Variants in SORCS3 observed in about 807,000 individuals in gnomAD.
SORCS3 encodes the protein sortilin related VPS10 domain containing receptor 3, also known as VPS10 domain-containing receptor SorCS3.
A neutral mutation model predicts 146.3 loss-of-function variants in SORCS3; 57 were observed. That is an observed-to-expected ratio of 0.39 (90% CI 0.31 to 0.49). The LOEUF (loss-of-function observed/expected upper bound fraction) is 0.49. Among genes scored for constraint, SORCS3 ranks in the 20% least tolerant of loss-of-function variants. The pLI, the probability that SORCS3 is intolerant of heterozygous loss-of-function variation, is 0.92. For synonymous variants in SORCS3, 653 were observed against 618.5 expected (o/e 1.06, Z -0.83); for missense variants, 1,341 against 1,575.5 (o/e 0.85, Z 2.52).
intron 8 of SORCS3, among the ~76,000 whole-genome samples, chr10:105,144,682 T>G (rs2056118396): frequency 6.6e-6 from 1 of 152,170 alleles, no homozygotes; most frequent in South Asian, 2.1e-4. Flanking sequence ...CTAAATTTAC[T>G]CTTATTGCAT....
intron 26 of SORCS3, among the ~76,000 whole-genome samples, 186 bp downstream of exon 26, chr10:105,262,677 A>G (rs1055355225): frequency 9.2e-5 from 14 of 152,320 alleles, no homozygotes; most frequent in Middle Eastern, 3.4e-3. Context: ...TTTTCCCCTT[A>G]GAAGTTAATC....
intron 9 of SORCS3, 135 bp from the exon 10 acceptor site, chr10:105,157,003 T>C (rs2119495413): frequency 1.0e-6 from 1 of 999,336 alleles, no homozygotes; most frequent in Non-Finnish European, 1.5e-6. Context: ...ATTCAACGTT[T>C]CCTATCATGT....
At chr10:104,930,012 TAAA>T (rs1401086929) in intron 3 of SORCS3, among the ~76,000 whole-genome samples, 2 of 151,898 alleles carry the variant, frequency 1.3e-5, no homozygotes, top group Admixed American at 6.6e-5. Context: ...GACAAAGAAT[TAAA>T]AATAGCTGCT....
intron 1 of SORCS3, among the ~76,000 whole-genome samples, chr10:104,650,424 A>T (rs573304072): frequency 3.3e-5 from 5 of 152,252 alleles, no homozygotes; most frequent in Non-Finnish European, 7.3e-5. Flanking sequence ...ATGAATAATC[A>T]TTTGGCAGCA....
At chr10:104,865,737 A>G (rs2018452379) in intron 2 of SORCS3, among the ~76,000 whole-genome samples, 1 of 152,244 alleles carries the variant, frequency 6.6e-6, no homozygotes, top group Non-Finnish European at 1.5e-5. Context: ...GGGACCTTAA[A>G]GAAACATGAA....
chr10:105,231,040 A>G (rs2056762721), intron 20 of SORCS3, among the ~76,000 whole-genome samples: 4 of 152,064 alleles, frequency 2.6e-5, no homozygotes, highest in South Asian at 4.1e-4. Flanking sequence ...CCCTTTTCTC[A>G]TATTGGGGAG....
intron 1 of SORCS3, among the ~76,000 whole-genome samples, chr10:104,693,283 G>A (rs1476188237): frequency 1.3e-5 from 2 of 152,130 alleles, no homozygotes; most frequent in South Asian, 2.1e-4. Context: ...ATGCCCTCAC[G>A]GATGTGTGAG....
At chr10:105,055,034 G>T (rs1475516561) in intron 5 of SORCS3, among the ~76,000 whole-genome samples, 4 of 152,034 alleles carry the variant, frequency 2.6e-5, no homozygotes, top group Admixed American at 2.6e-4. Context: ...GAAAATAATG[G>T]AATTTTTTTC....
At chr10:104,708,301 A>T (rs2016370961) in intron 1 of SORCS3, among the ~76,000 whole-genome samples, 1 of 152,192 alleles carries the variant, frequency 6.6e-6, no homozygotes, top group Non-Finnish European at 1.5e-5. Flanking sequence ...GTGAATGAAT[A>T]TGGGCTGCAT....
At chr10:104,785,687 A>G (rs2017426995) in intron 1 of SORCS3, among the ~76,000 whole-genome samples, 1 of 152,230 alleles carries the variant, frequency 6.6e-6, no homozygotes, top group Non-Finnish European at 1.5e-5. Context: ...AAAGCAGAGC[A>G]GTGGTGCTTG....
At chr10:104,975,780 T>C (rs1475342792) in intron 3 of SORCS3, among the ~76,000 whole-genome samples, 1 of 152,218 alleles carries the variant, frequency 6.6e-6, no homozygotes, top group Non-Finnish European at 1.5e-5. Flanking sequence ...ATCTGATTTT[T>C]GACAAACCTG....
At chr10:105,160,041 G>A (rs932938238) in intron 11 of SORCS3, among the ~76,000 whole-genome samples, 1 of 152,162 alleles carries the variant, frequency 6.6e-6, no homozygotes, top group African/African-American at 2.4e-5. Context: ...TGTTCCCCTA[G>A]CTGGAGAAGT....
chr10:104,684,746 A>G lies in SORCS3; in HGVS notation c.627+42792A>G, dbSNP rs555029157. Reference sequence around the variant, plus strand: ...AAATGAGCTACTAAATATAAAGAACATAATGTCAGGTATTGGTTGGAAAGT... The same window carrying G: ...AAATGAGCTACTAAATATAAAGAACGTAATGTCAGGTATTGGTTGGAAAGT... On this transcript the variant is annotated intron_variant, in intron 1 of 26. Coordinates refer to ENST00000369701, the MANE Select transcript of SORCS3 (RefSeq NM_014978.3). Among the ~76,000 whole-genome samples, 20 of 146,558 alleles carry G rather than the reference A, an allele frequency of 1.4e-4. No individual in the cohort carries two copies. The East Asian group carries it at 3.7e-3, about 27-fold the overall frequency.
chr10:105,016,301 C>G (rs1219515172), intron 4 of SORCS3, among the ~76,000 whole-genome samples: 1 of 150,946 alleles, frequency 6.6e-6, no homozygotes, highest in Non-Finnish European at 1.5e-5. Context: ...CAGGCACACA[C>G]CACCACGCCC....
intron 1 of SORCS3, among the ~76,000 whole-genome samples, chr10:104,688,140 A>G (rs185902484): frequency 5.3e-5 from 8 of 152,376 alleles, no homozygotes; most frequent in Admixed American, 4.6e-4. Context: ...TGGCAACCCT[A>G]TTGAGTCTCC....
chr10:104,971,720 A>G (rs1253677518), intron 3 of SORCS3, among the ~76,000 whole-genome samples: 1 of 152,218 alleles, frequency 6.6e-6, no homozygotes, highest in African/African-American at 2.4e-5. Context: ...ACTGAGTAAT[A>G]GTATATTGAG....
At chr10:105,261,574 C>T (rs2220139) in intron 25 of SORCS3, among the ~76,000 whole-genome samples, 71,443 of 151,974 alleles carry the variant, frequency 0.47, 18,240 homozygotes, top group East Asian at 0.69. Context: ...GCAAAGGAGT[C>T]TCCCGAGGCT....
intron 4 of SORCS3, among the ~76,000 whole-genome samples, chr10:104,988,513 A>G (rs571279953): frequency 6.6e-6 from 1 of 152,266 alleles, no homozygotes; most frequent in Admixed American, 6.5e-5. Flanking sequence ...GTTGTGTTTT[A>G]AGGGGATTTT....
chr10:105,259,460 C>A (rs1474100922), intron 25 of SORCS3, among the ~76,000 whole-genome samples: 1 of 152,152 alleles, frequency 6.6e-6, no homozygotes, highest in Non-Finnish European at 1.5e-5. Context: ...ATCTCAGTAT[C>A]CCAAGTGGTC....
Sources: allele counts gnomAD v4.1 joint callset (sites outside exome capture counted in the v4.1 genomes callset), GRCh38; gene constraint gnomAD v4.1.1; transcripts MANE v1.5; gene names NCBI Gene and HGNC (gene_info 2026-07-23, HGNC 2026-07-21).